The following USH2A variants were observed in gnomAD, a reference collection of about 807,000 sequenced individuals.
The protein encoded by USH2A is Usher syndrome 2A (autosomal recessive, mild).
A neutral mutation model predicts 538.9 loss-of-function variants in USH2A; 443 were observed. The observed-to-expected ratio is 0.82, with a 90% CI of 0.76 to 0.89. The LOEUF is 0.89. USH2A is among the 40% of genes least tolerant of loss of function. The probability of loss-of-function intolerance (pLI) is 0.00; values close to 1 mark genes in which losing one functional copy is unlikely to be tolerated. For missense variants in USH2A, 6,633 were observed against 6,324.8 expected (o/e 1.05, Z -1.65); for synonymous variants, 2,413 against 2,273.5 (o/e 1.06, Z -1.75).
Position 216,247,225 on chromosome 1 carries a change from C to T in USH2A, c.2169G>A (p.Gly723=), listed in dbSNP as rs751156464. Residue 723 remains glycine (G), a splice_region_variant and synonymous_variant, in exon 13 of 72, where the codon GGG becomes GGA. Transcript: ENST00000307340. ...GQCKCKANVI[G]LRCDHCNFGF... ...CAAAATTGCAATGATCACACCTAAG[C>T]CCTAAAGATAAAATATATTTAAAAG... The T allele has an allele frequency of 8.1e-6, 13 of 1,613,642 alleles. No individual in the cohort carries two copies. The highest frequency in any genetic ancestry group is 2.7e-5 in the African/African-American group (2 of 74,870).
rs192247968 is a variant in USH2A, at chr1:216,231,808, C to G, written c.2993+145G>C. 48 of 933,286 alleles carry G rather than the reference C, an allele frequency of 5.1e-5. No individual in the cohort carries two copies. The Admixed American group carries it at 7.8e-4, about 15-fold the overall frequency. The allele number at this position is 933,286 out of a possible 1,614,324, so 57.8% of individuals were successfully genotyped here. Reference sequence around the variant, plus strand: ...GACCTCGTGATCCGCCTGCCTTGGTCTCTCAAAGTGCTGGGATTACAGGTG... The same window carrying G: ...GACCTCGTGATCCGCCTGCCTTGGTGTCTCAAAGTGCTGGGATTACAGGTG... On this transcript the variant is annotated intron_variant, in intron 14 of 71. Transcript: ENST00000307340.
chr1:216,025,799 A>G (rs1571898954), intron 32 of USH2A, among the ~76,000 whole-genome samples: 1 of 152,102 alleles, frequency 6.6e-6, no homozygotes, highest in East Asian at 1.9e-4. Context: ...TCTTTTCCAC[A>G]TCCAGAGTTC....
chr1:216,369,749 T>TAA (rs1045873020), intron 3 of USH2A, among the ~76,000 whole-genome samples: 3 of 150,414 alleles, frequency 2.0e-5, no homozygotes, highest in African/African-American at 7.4e-5. Context: ...CGTCTGTACT[T>TAA]AAAAAATATA....
intron 9 of USH2A, among the ~76,000 whole-genome samples, chr1:216,300,741 GTTTT>G (rs531354825): frequency 8.6e-6 from 1 of 116,568 alleles, no homozygotes. Context: ...TAGACTCAAT[GTTTT>G]TTTTTTTTTT....
chr1:216,266,953 A>T (rs1478060410), intron 11 of USH2A, among the ~76,000 whole-genome samples: 2 of 151,728 alleles, frequency 1.3e-5, no homozygotes, highest in South Asian at 4.1e-4. Context: ...TATATATATA[A>T]AACATGTTAA....
At chr1:215,935,230 T>C (rs1666463606) in intron 37 of USH2A, among the ~76,000 whole-genome samples, 2 of 152,016 alleles carry the variant, frequency 1.3e-5, no homozygotes, top group Non-Finnish European at 2.9e-5. Context: ...ATTCCTCAAA[T>C]AGAATTGTTC....
At chr1:216,335,021 T>C (rs1471174793) in intron 4 of USH2A, among the ~76,000 whole-genome samples, 1 of 151,724 alleles carries the variant, frequency 6.6e-6, no homozygotes, top group African/African-American at 2.4e-5. Context: ...GTGCATATGG[T>C]ACATTCTCCA....
chr1:216,251,169 A>C, intron 11 of USH2A, 71 bp from the exon 12 acceptor site: 1 of 1,506,910 alleles, frequency 6.6e-7, no homozygotes, highest in Non-Finnish European at 9.2e-7. Context: ...ATTAGGTACA[A>C]GACAGGGAGG....
chr1:216,241,550 T>C (rs2035938728), intron 13 of USH2A, among the ~76,000 whole-genome samples: 1 of 152,118 alleles, frequency 6.6e-6, no homozygotes, highest in Admixed American at 6.6e-5. Context: ...TTTTTTTTTT[T>C]TGAGACGGAG....
chr1:215,744,546 T>C (rs548469632), intron 58 of USH2A, among the ~76,000 whole-genome samples: 1 of 152,342 alleles, frequency 6.6e-6, no homozygotes, highest in South Asian at 2.1e-4. Flanking sequence ...CATAAGTCTA[T>C]CTTTACTTTA....
intron 61 of USH2A, among the ~76,000 whole-genome samples, chr1:215,712,405 A>G (rs1659362342): frequency 6.6e-6 from 1 of 152,206 alleles, no homozygotes; most frequent in Admixed American, 6.5e-5. Context: ...GTGTGTCCTC[A>G]TCGCCTTTGC....
intron 56 of USH2A, among the ~76,000 whole-genome samples, chr1:215,764,608 C>T (rs536789653): frequency 5.3e-5 from 8 of 152,182 alleles, no homozygotes; most frequent in Admixed American, 5.2e-4. Context: ...GCTCAGCTTG[C>T]GTTGGCTATG....
intron 21 of USH2A, among the ~76,000 whole-genome samples, chr1:216,146,503 C>T (rs964780058): frequency 3.9e-5 from 6 of 152,058 alleles, no homozygotes; most frequent in Admixed American, 3.9e-4. Context: ...TCACCCTTAG[C>T]GCCAAGTCCC....
intron 21 of USH2A, among the ~76,000 whole-genome samples, chr1:216,142,237 AGGG>A (rs1055430021): frequency 3.0e-4 from 46 of 152,240 alleles, no homozygotes; most frequent in African/African-American, 9.4e-4. Flanking sequence ...GGTAGAAGGT[AGGG>A]TCTCACCACA....
intron 61 of USH2A, among the ~76,000 whole-genome samples, chr1:215,683,480 A>C (rs1308562438): frequency 6.6e-6 from 1 of 152,174 alleles, no homozygotes. Context: ...CTGCTGCAAA[A>C]TTTGGATGCA....
rs2102469445 is a variant in USH2A, at chr1:215,900,066, A to G, written c.7594+9T>C. 2 of 1,613,590 alleles carry G rather than the reference A, an allele frequency of 1.2e-6. No homozygotes were observed. The highest frequency in any genetic ancestry group is 1.7e-6 in the Non-Finnish European group (2 of 1,179,680). The stretch of plus-strand genomic sequence containing the variant: ...AGACATTTGGCTGTGTATTGTTCAG[A>G]CCACTTACTGTCCTCTGCGGTCATG... On this transcript the variant is annotated intron_variant, in intron 40 of 71. Transcript: ENST00000307340.
At chr1:215,854,602 C>G (rs34726633) in intron 44 of USH2A, among the ~76,000 whole-genome samples, 18,997 of 152,156 alleles carry the variant, frequency 0.12, 1,255 homozygotes, top group East Asian at 0.19. Context: ...GAATAGCTCT[C>G]TCTTCTGCAG....
chr1:215,871,344 C>T (rs925908479), intron 43 of USH2A, among the ~76,000 whole-genome samples: 9 of 152,174 alleles, frequency 5.9e-5, no homozygotes, highest in Admixed American at 3.3e-4. Flanking sequence ...TTAAATGATG[C>T]AGTTTTAATT....
intron 3 of USH2A, among the ~76,000 whole-genome samples, chr1:216,376,036 C>T (rs1261021937): frequency 6.6e-6 from 1 of 151,826 alleles, no homozygotes; most frequent in Non-Finnish European, 1.5e-5. Context: ...ATAATAACAT[C>T]AAAAATCACT....
Sources: allele counts gnomAD v4.1 joint callset (sites outside exome capture counted in the v4.1 genomes callset), GRCh38; gene constraint gnomAD v4.1.1; transcripts MANE v1.5; gene names NCBI Gene and HGNC (gene_info 2026-07-23, HGNC 2026-07-21).